Variants in BANF2 observed in about 807,000 individuals in gnomAD.
The protein encoded by BANF2 is barrier-to-autointegration factor-like protein.
A neutral mutation model predicts 8.0 loss-of-function variants in BANF2; 4 were observed. The ratio of observed to expected loss-of-function variants is 0.50; its 90% CI spans 0.25 to 1.14. The LOEUF is 1.14. BANF2 is among the 50% of genes most tolerant of loss of function. BANF2 has a pLI of 0.16. For synonymous variants in BANF2, 50 were observed against 40.6 expected (o/e 1.23, Z -0.88); for missense variants, 96 against 107.5 (o/e 0.89, Z 0.47).
chr20:17,727,404 G>A (rs1182242175), intron 3 of BANF2, among the ~76,000 whole-genome samples: 1 of 152,216 alleles, frequency 6.6e-6, no homozygotes, highest in Non-Finnish European at 1.5e-5. Flanking sequence ...GCAGTGCCTT[G>A]TCCGCTCCCA....
At chr20:17,719,696 A>T (rs1169990352) in intron 1 of BANF2, among the ~76,000 whole-genome samples, 2 of 152,012 alleles carry the variant, frequency 1.3e-5, no homozygotes, top group East Asian at 1.9e-4. Flanking sequence ...TTAAAAAAAA[A>T]AAAAAAAGAG....
Position 17,704,645 on chromosome 20 carries a change from C to G in BANF2, c.-167+4590C>G, listed in dbSNP as rs149538963. Among the ~76,000 whole-genome samples the G allele has an allele frequency of 1.7e-3, 261 of 152,342 alleles. 4 individuals carry two copies. The highest frequency in any genetic ancestry group is 6.0e-3 in the African/African-American group (248 of 41,582). ...TGCATTGCTTTATCAGCCTTTAAGG[C>G]CTCTTCCTTCTTTAACATTTAATTA... On this transcript the variant is annotated intron_variant, in intron 1 of 3. Coordinates refer to ENST00000246090, the MANE Select transcript of BANF2 (RefSeq NM_178477.5).
At chr20:17,731,775 A>AAAAAG (rs1227032778) in intron 3 of BANF2, among the ~76,000 whole-genome samples, 3 of 150,582 alleles carry the variant, frequency 2.0e-5, no homozygotes, top group East Asian at 1.9e-4. Flanking sequence ...AAAAAAAAAA[A>AAAAAG]AAAAAAGTAG....
chr20:17,725,594 G>A (rs1250312523), intron 3 of BANF2, among the ~76,000 whole-genome samples: 1 of 152,218 alleles, frequency 6.6e-6, no homozygotes, highest in African/African-American at 2.4e-5. Flanking sequence ...ACACTAGAGT[G>A]AGTTATTCTA....
At chr20:17,733,088 G>T (rs1401693053) in intron 3 of BANF2, among the ~76,000 whole-genome samples, 1 of 152,226 alleles carries the variant, frequency 6.6e-6, no homozygotes, top group Non-Finnish European at 1.5e-5. Flanking sequence ...GCTTCCTGTA[G>T]CATTCCTGGA....
chr20:17,711,798 A>G (rs1398482369), intron 1 of BANF2, among the ~76,000 whole-genome samples: 1 of 152,196 alleles, frequency 6.6e-6, no homozygotes, highest in Non-Finnish European at 1.5e-5. Flanking sequence ...GTTCCCTGCA[A>G]CACTTGTAGC....
At chr20:17,693,851 C>A (rs892001744) in intron 1 of BANF2, 16 of 990,856 alleles carry the variant, frequency 1.6e-5, no homozygotes, top group South Asian at 1.0e-4. Flanking sequence ...CGGAACGTGT[C>A]TCTGCAGGCA....
intron 3 of BANF2, among the ~76,000 whole-genome samples, chr20:17,732,877 G>C (rs1273232878): frequency 2.0e-5 from 3 of 152,204 alleles, no homozygotes; most frequent in Admixed American, 6.5e-5. Context: ...CTGGAGCCGG[G>C]GGAGAAACCA....
At chr20:17,700,809 G>T (rs2037396263) in intron 1 of BANF2, among the ~76,000 whole-genome samples, 1 of 152,188 alleles carries the variant, frequency 6.6e-6, no homozygotes, top group Non-Finnish European at 1.5e-5. Context: ...CAAACAGTAG[G>T]GACCCGTTCT....
chr20:17,706,429 A>G (rs1355390475), intron 1 of BANF2, among the ~76,000 whole-genome samples: 1 of 152,200 alleles, frequency 6.6e-6, no homozygotes, highest in Admixed American at 6.5e-5. Flanking sequence ...TATGAGCTTA[A>G]CACGAAGGAT....
chr20:17,705,932 T>C (rs1238900907), intron 1 of BANF2, among the ~76,000 whole-genome samples: 1 of 152,224 alleles, frequency 6.6e-6, no homozygotes, highest in Admixed American at 6.5e-5. Context: ...TTTGTGGGCT[T>C]CTATGGCACT....
upstream of BANF2, among the ~76,000 whole-genome samples, chr20:17,698,068 G>A (rs2037364636): frequency 6.6e-6 from 1 of 152,108 alleles, no homozygotes; most frequent in African/African-American, 2.4e-5. Flanking sequence ...TTAGCTGGGA[G>A]TGGTGGTGGG....
At chr20:17,694,954 T>G (rs548277712), upstream of BANF2, among the ~76,000 whole-genome samples, 3 of 151,986 alleles carry the variant, frequency 2.0e-5, no homozygotes, top group South Asian at 6.3e-4. Context: ...CTATCCTAAT[T>G]CAATCATCCC....
chr20:17,699,199 C>G (rs1445937209), upstream of BANF2, among the ~76,000 whole-genome samples: 1 of 152,206 alleles, frequency 6.6e-6, no homozygotes, highest in Non-Finnish European at 1.5e-5. Context: ...GCCGTTTGCT[C>G]TTGGTTAGAA....
upstream of BANF2, among the ~76,000 whole-genome samples, chr20:17,696,509 G>A (rs898697266): frequency 1.3e-5 from 2 of 152,090 alleles, no homozygotes; most frequent in Non-Finnish European, 2.9e-5. Flanking sequence ...TAGCCATTCT[G>A]GTGGGCATGT....
chr20:17,700,848 T>C (rs1290860963), intron 1 of BANF2, among the ~76,000 whole-genome samples: 1 of 152,194 alleles, frequency 6.6e-6, no homozygotes, highest in Admixed American at 6.5e-5. Context: ...CTGCCTTCCC[T>C]ACCATGGCCC....
Position 17,722,717 on chromosome 20 carries a change from A to G in BANF2, c.-165A>G, listed in dbSNP as rs2037750272. 6.1e-6 allele frequency: 6 copies of G among 983,986 alleles called. No homozygotes were observed. Among genetic ancestry groups the G allele is most frequent in the Non-Finnish European group, 7.2e-6 (6 of 828,646 alleles). The allele number at this position is 983,986 out of a possible 1,614,324, so 61.0% of individuals were successfully genotyped here. The stretch of plus-strand genomic sequence containing the variant: ...CATGTCTTTTGCTCCCCTTCCTAGA[A>G]TCTGCTGACACATCAAGGCCACTTT... On this transcript the variant is annotated splice_region_variant and 5_prime_UTR_variant, in exon 2 of 4. Coordinates refer to ENST00000246090, the MANE Select transcript of BANF2 (RefSeq NM_178477.5).
chr20:17,713,499 G>A (rs970095976), intron 1 of BANF2, among the ~76,000 whole-genome samples: 4 of 152,142 alleles, frequency 2.6e-5, no homozygotes, highest in Admixed American at 1.3e-4. Flanking sequence ...GCCCAACAAC[G>A]TGAGTACATT....
intron 3 of BANF2, among the ~76,000 whole-genome samples, chr20:17,731,759 G>GAAAAAA (rs58645809): frequency 0.014 from 1,352 of 94,870 alleles, 51 homozygotes; most frequent in East Asian, 0.034. Context: ...CGTCTCTTAG[G>GAAAAAA]AAAAAAAAAA....
Sources: allele counts gnomAD v4.1 joint callset (sites outside exome capture counted in the v4.1 genomes callset), GRCh38; gene constraint gnomAD v4.1.1; transcripts MANE v1.5; gene names NCBI Gene and HGNC (gene_info 2026-07-23, HGNC 2026-07-21).